The following PCCA variants were observed in gnomAD, a reference collection of about 807,000 sequenced individuals.
PCCA encodes the protein propionyl-CoA carboxylase subunit alpha, also known as propionyl-CoA carboxylase alpha chain, mitochondrial.
In PCCA, 74 loss-of-function variants were observed where a neutral mutation model predicts 101.3. The observed-to-expected ratio is 0.73, with a 90% CI of 0.61 to 0.89. PCCA has a LOEUF of 0.89. Among genes scored for constraint, PCCA ranks in the 40% least tolerant of loss-of-function variants. The pLI is 0.00. For synonymous variants in PCCA, 294 were observed against 313.6 expected (o/e 0.94, Z 0.66); for missense variants, 891 against 907.0 (o/e 0.98, Z 0.23).
chr13:100,404,996 A>G (rs1481373069), intron 19 of PCCA, among the ~76,000 whole-genome samples: 1 of 152,164 alleles, frequency 6.6e-6, no homozygotes, highest in African/African-American at 2.4e-5. Context: ...TGAGTCGGGA[A>G]CACAAATGTG....
At chr13:100,261,234 A>C (rs1409902437) in intron 9 of PCCA, among the ~76,000 whole-genome samples, 1 of 152,214 alleles carries the variant, frequency 6.6e-6, no homozygotes, top group Non-Finnish European at 1.5e-5. Context: ...ACAGGTATTT[A>C]ATCTTCAGAT....
chr13:100,184,755 G>A (rs750425151), intron 6 of PCCA, among the ~76,000 whole-genome samples: 2 of 152,136 alleles, frequency 1.3e-5, no homozygotes, highest in Non-Finnish European at 2.9e-5. Flanking sequence ...ATTTTAACAT[G>A]TCACGAAGTA....
At chr13:100,329,864 T>C (rs762957207) in intron 16 of PCCA, among the ~76,000 whole-genome samples, 47 of 152,284 alleles carry the variant, frequency 3.1e-4, no homozygotes, top group Admixed American at 1.4e-3. Flanking sequence ...GTGAAACCAT[T>C]ACATCTGAGA....
chr13:100,506,816 T>C (rs1298005688), intron 21 of PCCA, among the ~76,000 whole-genome samples: 1 of 152,190 alleles, frequency 6.6e-6, no homozygotes, highest in Non-Finnish European at 1.5e-5. Context: ...CGTGAAATGG[T>C]ACACTTCCTC....
intron 19 of PCCA, among the ~76,000 whole-genome samples, chr13:100,415,989 A>G (rs1350303537): frequency 6.6e-6 from 1 of 152,148 alleles, no homozygotes; most frequent in Non-Finnish European, 1.5e-5. Context: ...CAAATGTCAA[A>G]TTAATTTAGG....
At chr13:100,151,140 T>C in intron 4 of PCCA, 1 of 990,972 alleles carries the variant, frequency 1.0e-6, no homozygotes, top group Non-Finnish European at 1.5e-6. Context: ...AAAAGAAGTT[T>C]AATTTATTTT....
At chr13:100,118,942 C>T (rs1361114205) in intron 4 of PCCA, among the ~76,000 whole-genome samples, 1 of 152,064 alleles carries the variant, frequency 6.6e-6, no homozygotes, top group Non-Finnish European at 1.5e-5. Flanking sequence ...CATTTGGTTT[C>T]ATCAGGTCTT....
chr13:100,208,078 T>C (rs1240985761), intron 6 of PCCA, among the ~76,000 whole-genome samples: 1 of 152,176 alleles, frequency 6.6e-6, no homozygotes, highest in Non-Finnish European at 1.5e-5. Flanking sequence ...CCTCTATATC[T>C]GCCTCCTGAA....
intron 21 of PCCA, among the ~76,000 whole-genome samples, chr13:100,458,125 T>G (rs2081882518): frequency 6.6e-6 from 1 of 152,092 alleles, no homozygotes; most frequent in Non-Finnish European, 1.5e-5. Flanking sequence ...TCCTTTCGCT[T>G]ATAAACTTTC....
chr13:100,498,233 G>GA (rs1432341609), intron 21 of PCCA, among the ~76,000 whole-genome samples: 5 of 79,586 alleles, frequency 6.3e-5, no homozygotes. Context: ...GTGTAGGTTA[G>GA]CCAAAAAAAA....
At chr13:100,180,878 A>G (rs1278055380) in intron 6 of PCCA, among the ~76,000 whole-genome samples, 1 of 152,190 alleles carries the variant, frequency 6.6e-6, no homozygotes, top group Non-Finnish European at 1.5e-5. Context: ...GCCAGTCAGG[A>G]TCATTTTATC....
intron 21 of PCCA, among the ~76,000 whole-genome samples, chr13:100,469,545 G>A (rs183507737): frequency 5.9e-5 from 9 of 152,044 alleles, no homozygotes; most frequent in African/African-American, 1.7e-4. Flanking sequence ...TTGGGAGGCC[G>A]AGGCGGGCGG....
At chr13:100,294,214 A>G (rs900782423) in intron 12 of PCCA, among the ~76,000 whole-genome samples, 5 of 152,118 alleles carry the variant, frequency 3.3e-5, no homozygotes, top group African/African-American at 1.2e-4. Flanking sequence ...GATACCAGTC[A>G]TGCTGGATTA....
intron 18 of PCCA, among the ~76,000 whole-genome samples, 191 bp downstream of exon 18, chr13:100,340,450 G>A (rs1247490006): frequency 1.3e-5 from 2 of 152,086 alleles, no homozygotes; most frequent in African/African-American, 2.4e-5. Flanking sequence ...GTTTTTTTAA[G>A]TTCAGAAAGG....
intron 19 of PCCA, among the ~76,000 whole-genome samples, chr13:100,412,161 G>A (rs2078092214): frequency 6.6e-6 from 1 of 152,104 alleles, no homozygotes; most frequent in Admixed American, 6.5e-5. Flanking sequence ...CAAAATGTTA[G>A]TGACAGCAAA....
intron 5 of PCCA, 29 bp downstream of exon 5, chr13:100,155,121 G>T: frequency 1.5e-6 from 2 of 1,366,044 alleles, no homozygotes; most frequent in Non-Finnish European, 2.1e-6. Flanking sequence ...ATCTACTGCA[G>T]CTGTTTCATA....
intron 6 of PCCA, among the ~76,000 whole-genome samples, chr13:100,179,231 T>C (rs908018199): frequency 3.9e-5 from 6 of 152,060 alleles, no homozygotes; most frequent in African/African-American, 7.2e-5. Flanking sequence ...TTTGATCTTA[T>C]AATAAACATA....
intron 17 of PCCA, among the ~76,000 whole-genome samples, chr13:100,337,195 CCAG>C (rs1487305802): frequency 6.6e-6 from 1 of 152,206 alleles, no homozygotes; most frequent in Non-Finnish European, 1.5e-5. Context: ...GACTTACATT[CCAG>C]CAGGTTAGCA....
At chr13:100,495,919 G>A (rs1238959474) in intron 21 of PCCA, among the ~76,000 whole-genome samples, 2 of 152,130 alleles carry the variant, frequency 1.3e-5, no homozygotes, top group Admixed American at 6.6e-5. Flanking sequence ...CCCAGAGTCC[G>A]CAAATGTTAA....
Sources: allele counts gnomAD v4.1 joint callset (sites outside exome capture counted in the v4.1 genomes callset), GRCh38; gene constraint gnomAD v4.1.1; transcripts MANE v1.5; gene names NCBI Gene and HGNC (gene_info 2026-07-23, HGNC 2026-07-21).